The following NXPH1 variants were observed in gnomAD, a reference collection of about 807,000 sequenced individuals.
NXPH1 encodes the protein neurexophilin-1.
Under a neutral mutation model 23.7 loss-of-function variants are expected in NXPH1, and 5 were observed. The ratio of observed to expected loss-of-function variants is 0.21; its 90% CI spans 0.11 to 0.44. NXPH1 has a LOEUF of 0.44. NXPH1 is among the 20% of genes least tolerant of loss of function. The probability of loss-of-function intolerance (pLI) is 0.99; values close to 1 mark genes in which losing one functional copy is unlikely to be tolerated. For synonymous variants in NXPH1, 144 were observed against 122.2 expected, an observed-to-expected ratio of 1.18 and a Z score of -1.18; for missense variants, 324 against 321.6, an observed-to-expected ratio of 1.01 and a Z score of -0.06.
intron 2 of NXPH1, among the ~76,000 whole-genome samples, chr7:8,614,844 ATTG>A (rs1819701342): frequency 1.3e-5 from 2 of 152,022 alleles, no homozygotes; most frequent in African/African-American, 4.8e-5. Flanking sequence ...TGTGGCAGTT[ATTG>A]TTCTTATTGA....
chr7:8,732,151 C>G (rs1261076619), intron 2 of NXPH1, among the ~76,000 whole-genome samples: 2 of 152,244 alleles, frequency 1.3e-5, no homozygotes, highest in Non-Finnish European at 2.9e-5. Flanking sequence ...AGGGAACTCC[C>G]TGACCCCTTG....
At chr7:8,616,065 T>C (rs982628009) in intron 2 of NXPH1, among the ~76,000 whole-genome samples, 47 of 152,208 alleles carry the variant, frequency 3.1e-4, no homozygotes, top group African/African-American at 1.1e-3. Flanking sequence ...CCTCTCATCA[T>C]GACTTCATTA....
At chr7:8,448,701 C>T (rs1816449986) in intron 2 of NXPH1, among the ~76,000 whole-genome samples, 1 of 151,876 alleles carries the variant, frequency 6.6e-6, no homozygotes, top group Non-Finnish European at 1.5e-5. Context: ...CCTGTAGTCC[C>T]AGCTTTGGGA....
intron 2 of NXPH1, among the ~76,000 whole-genome samples, chr7:8,539,746 T>C (rs929015173): frequency 3.3e-5 from 5 of 151,788 alleles, no homozygotes; most frequent in African/African-American, 1.2e-4. Context: ...AAACAAAAAT[T>C]AAGGTTATAA....
At chr7:8,545,429 G>T (rs750911783) in intron 2 of NXPH1, among the ~76,000 whole-genome samples, 4 of 151,446 alleles carry the variant, frequency 2.6e-5, no homozygotes, top group Non-Finnish European at 4.4e-5. Flanking sequence ...TGCCTCAACT[G>T]ATAACATAAA....
chr7:8,517,904 A>G (rs1817711277), intron 2 of NXPH1, among the ~76,000 whole-genome samples: 1 of 152,160 alleles, frequency 6.6e-6, no homozygotes, highest in Admixed American at 6.6e-5. Flanking sequence ...TGTTTTGGTG[A>G]ACAGAATTGT....
rs138500997 is a variant in NXPH1 at position 8,462,186 on chromosome 7, C to G, written c.54+26419C>G. On this transcript the variant is annotated intron_variant, in intron 2 of 2. Transcript: ENST00000405863. Reference sequence around the variant, plus strand: ...ACCTCAGCCTCCCAAGTAGCTGGGACTACAGGCATGCGCCACCATGCCCAG... The same window carrying G: ...ACCTCAGCCTCCCAAGTAGCTGGGAGTACAGGCATGCGCCACCATGCCCAG... 5.5e-3 allele frequency among the ~76,000 whole-genome samples: 834 copies of G among 152,158 alleles called. 8 individuals carry two copies. The highest frequency in any genetic ancestry group is 0.019 in the African/African-American group (808 of 41,518).
In NXPH1 at chr7:8,721,907, AG is replaced by A. The variant is rs1354647809; in HGVS notation, c.55-29100del. Among the ~76,000 whole-genome samples, 14 of 152,388 alleles carry A rather than the reference AG, an allele frequency of 9.2e-5. No individual in the cohort carries two copies. In the East Asian group the frequency reaches 2.7e-3, roughly 29 times the overall value. On this transcript the variant is annotated intron_variant, in intron 2 of 2. Transcript: ENST00000405863. Reference sequence around the variant, plus strand: ...TTAAAAGGAAATTAATGATACACTTAGAATATGCTATTTAATTTCACCACCC... The same window carrying A: ...TTAAAAGGAAATTAATGATACACTTAAATATGCTATTTAATTTCACCACCC...
At chr7:8,740,225 G>A (rs1780338155) in intron 2 of NXPH1, among the ~76,000 whole-genome samples, 1 of 152,116 alleles carries the variant, frequency 6.6e-6, no homozygotes, top group African/African-American at 2.4e-5. Flanking sequence ...CTATATTTAT[G>A]CCTTATATTT....
chr7:8,751,711 AG>A lies in NXPH1; in HGVS notation c.759del (p.Val255CysfsTer28). ...TATAGTACAGATTATAAACTGGTACAGAAAGTGTGCCCTGACTACAACTACC... is the reference window on the plus strand; with the variant it reads ...TATAGTACAGATTATAAACTGGTACAAAAGTGTGCCCTGACTACAACTACC... ...SFYSTDYKLV[Q>X]KVCPDYNYHS... On this transcript the variant is annotated frameshift_variant, in exon 3 of 3. Coordinates refer to ENST00000405863, the MANE Select transcript of NXPH1 (RefSeq NM_152745.3). LOFTEE classifies it high-confidence loss of function. The surrounding 1 kb of genome is among the most constrained non-coding windows in gnomAD (Gnocchi z 4.5). The A allele has an allele frequency of 6.2e-7, 1 of 1,612,936 alleles. No individual in the cohort carries two copies.
intron 2 of NXPH1, among the ~76,000 whole-genome samples, chr7:8,498,086 T>C (rs560962638): frequency 1.3e-5 from 2 of 152,252 alleles, no homozygotes; most frequent in East Asian, 1.9e-4. Flanking sequence ...TGTGAGAATA[T>C]TGAATCAAAT....
intron 2 of NXPH1, among the ~76,000 whole-genome samples, chr7:8,642,807 G>A (rs970659916): frequency 2.6e-5 from 4 of 151,930 alleles, no homozygotes. Context: ...TGACTTTAAT[G>A]GGAAAGTTCT....
At chr7:8,589,198 T>G (rs1161810848) in intron 2 of NXPH1, among the ~76,000 whole-genome samples, 3 of 152,040 alleles carry the variant, frequency 2.0e-5, no homozygotes, top group Non-Finnish European at 4.4e-5. Flanking sequence ...TAAAAAATGG[T>G]GACTAATCTT....
chr7:8,629,018 T>C (rs2115132760), intron 2 of NXPH1, among the ~76,000 whole-genome samples: 1 of 151,456 alleles, frequency 6.6e-6, no homozygotes, highest in South Asian at 2.1e-4. Context: ...CTAATAGCTT[T>C]GTGCTGTTTT....
chr7:8,503,397 G>A (rs544527472), intron 2 of NXPH1, among the ~76,000 whole-genome samples: 4 of 151,944 alleles, frequency 2.6e-5, no homozygotes, highest in East Asian at 3.9e-4. Flanking sequence ...CTTCCTCACC[G>A]GTGATGCATG....
In NXPH1 at chr7:8,658,830, G is replaced by T. The variant is rs1044076374; in HGVS notation, c.55-92178G>T. The stretch of plus-strand genomic sequence containing the variant: ...ATTGATTAATGTGCATACAAAGTCA[G>T]CGTGAGGTAGAATAGATGATTTTGG... On this transcript the variant is annotated intron_variant, in intron 2 of 2. Coordinates refer to ENST00000405863, the MANE Select transcript of NXPH1 (RefSeq NM_152745.3). Among the ~76,000 whole-genome samples the T allele has an allele frequency of 2.3e-4, 35 of 152,138 alleles. 1 individual carries two copies.
chr7:8,683,880 C>G (rs1463864522), intron 2 of NXPH1, among the ~76,000 whole-genome samples: 4 of 152,062 alleles, frequency 2.6e-5, no homozygotes. Context: ...GCCCAGGAAG[C>G]TAGAGACATT....
At chr7:8,750,875 C>A in intron 2 of NXPH1, 133 bp from the exon 3 acceptor site, 1 of 811,218 alleles carries the variant, frequency 1.2e-6, no homozygotes, top group Non-Finnish European at 2.0e-6. Context: ...TTTGGGTGTT[C>A]TTCTCAGATG....
chr7:8,568,129 G>C (rs1427605017), intron 2 of NXPH1, among the ~76,000 whole-genome samples: 2 of 151,800 alleles, frequency 1.3e-5, no homozygotes, highest in Non-Finnish European at 2.9e-5. Flanking sequence ...AAATAAAATA[G>C]AGCAGATTAT....
Sources: allele counts gnomAD v4.1 joint callset (sites outside exome capture counted in the v4.1 genomes callset), GRCh38; gene constraint gnomAD v4.1.1; non-coding constraint Gnocchi (gnomAD v3.1); transcripts MANE v1.5; gene names NCBI Gene and HGNC (gene_info 2026-07-23, HGNC 2026-07-21).